Variants in RGS8 observed in about 807,000 individuals in gnomAD.
The protein encoded by RGS8 is regulator of G protein signaling 8.
RGS8 carries 8 observed loss-of-function variants against 21.7 expected under a neutral mutation model. The ratio of observed to expected loss-of-function variants is 0.37; its 90% confidence interval spans 0.22 to 0.66. The LOEUF is 0.66. Ranked by LOEUF, RGS8 falls within the 30% of genes least tolerant of loss-of-function variation. The pLI is 0.59. For synonymous variants in RGS8, 80 were observed against 83.6 expected, an observed-to-expected ratio of 0.96 and a Z score of 0.24; for missense variants, 157 against 217.9, an observed-to-expected ratio of 0.72 and a Z score of 1.76.
In RGS8 at chr1:182,656,217, G is replaced by A. The variant is rs181145603; in HGVS notation, c.194-7914C>T. Among the ~76,000 whole-genome samples the A allele has an allele frequency of 3.7e-4, 57 of 152,316 alleles. 1 individual carries two copies. Among genetic ancestry groups the A allele is most frequent in the Middle Eastern group, 3.4e-3 (1 of 294 alleles). The stretch of plus-strand genomic sequence containing the variant: ...GAAGTGACTTTGCACACACATCTGC[G>A]TGACTTCGGAGCCACCCTCCTCTCT... On this transcript the variant is annotated intron_variant, in intron 5 of 6. Coordinates refer to ENST00000483095, the Ensembl canonical transcript of RGS8.
chr1:182,740,548 GTTTTTTTTT>G, the RGS8 span, among the ~76,000 whole-genome samples: 1 of 75,962 alleles, frequency 1.3e-5, no homozygotes. Context: ...TTGTTTGTTT[GTTTTTTTTT>G]TTTTTTTTTT....
the RGS8 span, among the ~76,000 whole-genome samples, chr1:182,709,906 G>A: frequency 6.6e-6 from 1 of 152,164 alleles, no homozygotes; most frequent in Non-Finnish European, 1.5e-5. Flanking sequence ...TTGGCTGCAA[G>A]CAACAGAATC....
At chr1:182,685,215 G>GCCACA (rs1664673117), upstream of RGS8, among the ~76,000 whole-genome samples, 1 of 152,224 alleles carries the variant, frequency 6.6e-6, no homozygotes, top group African/African-American at 2.4e-5. Context: ...TGTGGCCAGA[G>GCCACA]GGTGGTGGTG....
At chr1:182,706,385 T>A in the RGS8 span, among the ~76,000 whole-genome samples, 1 of 152,150 alleles carries the variant, frequency 6.6e-6, no homozygotes, top group Non-Finnish European at 1.5e-5. Context: ...TAAAAAGAGA[T>A]TTGAAGACCA....
chr1:182,725,928 C>A, the RGS8 span, among the ~76,000 whole-genome samples: 1 of 152,174 alleles, frequency 6.6e-6, no homozygotes, highest in South Asian at 2.1e-4. Flanking sequence ...CATTTGCACA[C>A]ATTTTAAAGG....
chr1:182,661,031 A>G (rs546368279), intron 5 of RGS8, among the ~76,000 whole-genome samples: 108 of 151,950 alleles, frequency 7.1e-4, no homozygotes, highest in African/African-American at 2.6e-3. Context: ...GCTACAGGCC[A>G]TTTAGATGAA....
chr1:182,664,235 T>G (rs563981250), intron 5 of RGS8, among the ~76,000 whole-genome samples: 1 of 152,260 alleles, frequency 6.6e-6, no homozygotes, highest in South Asian at 2.1e-4. Context: ...ATTTGTAATA[T>G]TATTCTCAAG....
At chr1:182,715,037 T>C in the RGS8 span, among the ~76,000 whole-genome samples, 3 of 152,238 alleles carry the variant, frequency 2.0e-5, no homozygotes, top group Non-Finnish European at 4.4e-5. Flanking sequence ...CTTTCTATAA[T>C]ACATTCCAAA....
chr1:182,739,142 C>G, the RGS8 span, among the ~76,000 whole-genome samples: 1 of 152,184 alleles, frequency 6.6e-6, no homozygotes, highest in Non-Finnish European at 1.5e-5. Context: ...CACAAGTGTG[C>G]TGGGAAAGTC....
chr1:182,659,973 T>C (rs1031957398), intron 5 of RGS8, among the ~76,000 whole-genome samples: 6 of 152,192 alleles, frequency 3.9e-5, no homozygotes, highest in South Asian at 2.1e-4. Flanking sequence ...AGAAACCCTA[T>C]TGGCAATTCT....
At chr1:182,737,506 A>T in the RGS8 span, among the ~76,000 whole-genome samples, 20 of 152,136 alleles carry the variant, frequency 1.3e-4, no homozygotes, top group African/African-American at 4.6e-4. Context: ...GATAGCAAAT[A>T]AGTCTTACGA....
chr1:182,686,654 T>C (rs566712310), upstream of RGS8, among the ~76,000 whole-genome samples: 12 of 152,220 alleles, frequency 7.9e-5, no homozygotes, highest in Admixed American at 2.0e-4. Context: ...AAACTAATTG[T>C]GTGTTTGCCT....
chr1:182,648,834 C>G (rs1294559471), intron 5 of RGS8, among the ~76,000 whole-genome samples: 2 of 152,112 alleles, frequency 1.3e-5, no homozygotes, highest in Admixed American at 6.5e-5. Context: ...GACGCAGTGT[C>G]TCATGCCTGT....
At chr1:182,678,238 G>C (rs1168944289) in intron 1 of RGS8, among the ~76,000 whole-genome samples, 1 of 152,056 alleles carries the variant, frequency 6.6e-6, no homozygotes, top group Non-Finnish European at 1.5e-5. Flanking sequence ...AGGTACGTAG[G>C]GACTCATTGT....
At chr1:182,739,315 T>C in the RGS8 span, among the ~76,000 whole-genome samples, 1 of 152,172 alleles carries the variant, frequency 6.6e-6, no homozygotes, top group African/African-American at 2.4e-5. Flanking sequence ...CTGAGGGGCT[T>C]CGCACAGCCT....
chr1:182,693,692 T>A, the RGS8 span, among the ~76,000 whole-genome samples: 11 of 152,194 alleles, frequency 7.2e-5, no homozygotes, highest in African/African-American at 2.7e-4. Context: ...GCAGCACTAT[T>A]CACAATAGCA....
intron 5 of RGS8, among the ~76,000 whole-genome samples, chr1:182,651,847 A>G (rs1230575878): frequency 6.6e-6 from 1 of 152,198 alleles, no homozygotes; most frequent in Non-Finnish European, 1.5e-5. Context: ...GTGCTCTTGG[A>G]GGAGGTTTTC....
upstream of RGS8, among the ~76,000 whole-genome samples, chr1:182,676,513 G>T (rs1257969991): frequency 6.6e-6 from 1 of 152,172 alleles, no homozygotes; most frequent in Admixed American, 6.5e-5. Context: ...AGGACACATG[G>T]AAGGGCAGGA....
chr1:182,675,644 C>T (rs139432232), upstream of RGS8, among the ~76,000 whole-genome samples: 1 of 152,164 alleles, frequency 6.6e-6, no homozygotes, highest in African/African-American at 2.4e-5. Context: ...GGAATGTCCC[C>T]ACCCTTGATC....
Sources: allele counts gnomAD v4.1 joint callset (sites outside exome capture counted in the v4.1 genomes callset), GRCh38; gene constraint gnomAD v4.1.1; transcripts MANE v1.5; gene names NCBI Gene and HGNC (gene_info 2026-07-23, HGNC 2026-07-21).